The following ITGA9 variants were observed in gnomAD, a reference collection of about 807,000 sequenced individuals.
The protein encoded by ITGA9 is integrin alpha-9.
In ITGA9, 56 loss-of-function variants were observed where a neutral mutation model predicts 127.8. The observed-to-expected ratio is 0.44, with a 90% CI of 0.35 to 0.55. The LOEUF (loss-of-function observed/expected upper bound fraction) is 0.55. ITGA9 is among the 20% of genes least tolerant of loss of function. The probability of loss-of-function intolerance (pLI) is 0.00; values close to 1 mark genes in which losing one functional copy is unlikely to be tolerated. For missense variants in ITGA9, 1,196 were observed against 1,347.1 expected (o/e 0.89, Z 1.76); for synonymous variants, 508 against 514.5 (o/e 0.99, Z 0.17).
intron 15 of ITGA9, among the ~76,000 whole-genome samples, chr3:37,625,238 C>T (rs918462541): frequency 6.6e-6 from 1 of 152,178 alleles, no homozygotes; most frequent in East Asian, 1.9e-4. Flanking sequence ...CCAAAGCCTC[C>T]CCTGTCCTGG....
chr3:37,574,194 G>T (rs1366631972), intron 15 of ITGA9, among the ~76,000 whole-genome samples: 1 of 152,188 alleles, frequency 6.6e-6, no homozygotes, highest in East Asian at 1.9e-4. Context: ...TTTTGGTTCT[G>T]ATATTCTTCA....
intron 23 of ITGA9, among the ~76,000 whole-genome samples, chr3:37,756,303 A>T (rs961114976): frequency 6.6e-6 from 1 of 152,214 alleles, no homozygotes; most frequent in Non-Finnish European, 1.5e-5. Flanking sequence ...TTAGTCCACT[A>T]AGAATTTGTA....
chr3:37,484,065 G>A (rs1163864698), intron 4 of ITGA9, among the ~76,000 whole-genome samples: 1 of 152,214 alleles, frequency 6.6e-6, no homozygotes, highest in African/African-American at 2.4e-5. Context: ...TGGACTTAAT[G>A]ATGGTTAAAT....
At chr3:37,692,454 G>A (rs1383034856) in intron 18 of ITGA9, among the ~76,000 whole-genome samples, 1 of 147,352 alleles carries the variant, frequency 6.8e-6, no homozygotes, top group Non-Finnish European at 1.5e-5. Context: ...TCTACATACT[G>A]TAAAAAAAAA....
Position 37,821,618 on chromosome 3 carries a change from T to TG in ITGA9, c.*2631dup, listed in dbSNP as rs1345405540. 6.6e-6 allele frequency: 1 copy of TG among 152,126 alleles called. No individual in the cohort carries two copies. The highest frequency in any genetic ancestry group is 2.4e-5 in the African/African-American group (1 of 41,410). The allele number at this position is 152,126 out of a possible 1,614,324, so 9.4% of individuals were successfully genotyped here. Reference sequence around the variant, plus strand: ...GCCTCCTGCCGGGGTGTAGGTGCGTTGGTGACAGTGTAGAAGGGTGATTCG... The same window carrying TG: ...GCCTCCTGCCGGGGTGTAGGTGCGTTGGGTGACAGTGTAGAAGGGTGATTCG... On this transcript the variant is annotated 3_prime_UTR_variant, in exon 28 of 28. Transcript: ENST00000264741.
At chr3:37,590,391 G>A (rs916267919) in intron 15 of ITGA9, among the ~76,000 whole-genome samples, 5 of 152,188 alleles carry the variant, frequency 3.3e-5, no homozygotes, top group African/African-American at 1.2e-4. Flanking sequence ...GTAGAGCTGT[G>A]TGAGGGTGTG....
At chr3:37,567,855 C>G (rs188377067) in intron 15 of ITGA9, among the ~76,000 whole-genome samples, 34 of 152,300 alleles carry the variant, frequency 2.2e-4, no homozygotes, top group Admixed American at 1.3e-3. Context: ...AGCACCCCAC[C>G]TGGCTGCTTT....
chr3:37,775,364 G>C (rs933074647), intron 23 of ITGA9, among the ~76,000 whole-genome samples: 3 of 152,082 alleles, frequency 2.0e-5, no homozygotes, highest in Non-Finnish European at 2.9e-5. Context: ...TCAAAAATTG[G>C]CCTGGTGCGG....
chr3:37,538,101 G>C (rs1007402470), intron 14 of ITGA9, among the ~76,000 whole-genome samples: 1 of 152,240 alleles, frequency 6.6e-6, no homozygotes, highest in African/African-American at 2.4e-5. Context: ...TTTCACCAGA[G>C]TGTGAAACGA....
chr3:37,557,575 T>G (rs1699443434), intron 15 of ITGA9, among the ~76,000 whole-genome samples: 1 of 152,080 alleles, frequency 6.6e-6, no homozygotes, highest in South Asian at 2.1e-4. Context: ...CCCAGGAGAT[T>G]TGTGTGAAGA....
rs1430135461 is a variant in ITGA9 at position 37,814,914 on chromosome 3, A to G, written c.3010-3977A>G. ...GTCTTCAGACTCTAAAAAAAGGAAG[A>G]CATACATCAGTGGTAGCTCTGATCT... On this transcript the variant is annotated intron_variant, in intron 27 of 27. Coordinates refer to ENST00000264741, the MANE Select transcript of ITGA9 (RefSeq NM_002207.3). This position sits in a 1 kb window ranked among gnomAD's most constrained non-coding sequence, Gnocchi z 4.3. Among the ~76,000 whole-genome samples, 1 of 152,208 alleles carries G rather than the reference A, an allele frequency of 6.6e-6. No individual in the cohort carries two copies. Among genetic ancestry groups the G allele is most frequent in the Non-Finnish European group, 1.5e-5 (1 of 68,034 alleles).
chr3:37,456,301 C>G (rs1698257125), intron 1 of ITGA9, among the ~76,000 whole-genome samples: 1 of 152,152 alleles, frequency 6.6e-6, no homozygotes, highest in East Asian at 1.9e-4. Flanking sequence ...TCTGCCTGCC[C>G]AGAGCCAGCT....
chr3:37,739,637 C>A (rs1393978881), intron 20 of ITGA9, among the ~76,000 whole-genome samples: 1 of 152,234 alleles, frequency 6.6e-6, no homozygotes, highest in Non-Finnish European at 1.5e-5. Flanking sequence ...CTTTTGCAGA[C>A]CACTGGAAAG....
At chr3:37,725,088 C>G (rs999430486) in intron 18 of ITGA9, among the ~76,000 whole-genome samples, 2 of 152,230 alleles carry the variant, frequency 1.3e-5, no homozygotes, top group African/African-American at 4.8e-5. Context: ...CTACATGAGC[C>G]TCTTTCAGAA....
chr3:37,637,707 C>T (rs1281206337), intron 16 of ITGA9, among the ~76,000 whole-genome samples: 1 of 152,140 alleles, frequency 6.6e-6, no homozygotes, highest in Non-Finnish European at 1.5e-5. Flanking sequence ...AAAGAATCCT[C>T]TGTCACACAG....
chr3:37,453,436 C>G (rs537263120), intron 1 of ITGA9, among the ~76,000 whole-genome samples: 1 of 152,144 alleles, frequency 6.6e-6, no homozygotes, highest in Non-Finnish European at 1.5e-5. Context: ...GAGCTTGTGC[C>G]CAACCCCAGC....
rs529545703 is a variant in ITGA9, at chr3:37,755,891, CA to C, written c.2541+5328del. Among the ~76,000 whole-genome samples, 262 of 148,364 alleles carry C rather than the reference CA, an allele frequency of 1.8e-3. 4 individuals carry two copies. The highest frequency in any genetic ancestry group is 1.5e-4 in the Non-Finnish European group (10 of 66,652). ...TAAATATGTAAAATTTTAAGGGCAA[CA>C]AAAAACAATGTAGGACATCCAAACC... On this transcript the variant is annotated intron_variant, in intron 23 of 27. Transcript: ENST00000264741.
At chr3:37,635,210 T>C (rs1700266133) in intron 16 of ITGA9, among the ~76,000 whole-genome samples, 1 of 152,224 alleles carries the variant, frequency 6.6e-6, no homozygotes, top group Admixed American at 6.5e-5. Context: ...TGTATAATCA[T>C]GACACTTGTC....
intron 24 of ITGA9, among the ~76,000 whole-genome samples, chr3:37,779,258 C>A (rs1304550800): frequency 1.3e-5 from 2 of 152,160 alleles, no homozygotes; most frequent in African/African-American, 2.4e-5. Context: ...GCGGCCACCA[C>A]TATGCCTGGC....
Sources: allele counts gnomAD v4.1 joint callset (sites outside exome capture counted in the v4.1 genomes callset), GRCh38; gene constraint gnomAD v4.1.1; non-coding constraint Gnocchi (gnomAD v3.1); transcripts MANE v1.5; gene names NCBI Gene and HGNC (gene_info 2026-07-23, HGNC 2026-07-21).